The following GNG2 variants were observed in gnomAD, a reference collection of about 807,000 sequenced individuals.
GNG2 encodes guanine nucleotide-binding protein G(I)/G(S)/G(O) subunit gamma-2.
A neutral mutation model predicts 5.5 loss-of-function variants in GNG2; 5 were observed. The ratio of observed to expected loss-of-function variants is 0.91; its 90% confidence interval spans 0.48 to 1.92. GNG2 has a LOEUF of 1.92. Among genes scored for constraint, GNG2 ranks in the 30% most tolerant of loss-of-function variants. The pLI is 0.01. For missense variants in GNG2, 55 were observed against 88.4 expected (o/e 0.62, Z 1.52); for synonymous variants, 28 against 32.0 (o/e 0.88, Z 0.42).
At chr14:51,933,870 A>G (rs1887808109) in intron 2 of GNG2, among the ~76,000 whole-genome samples, 1 of 152,214 alleles carries the variant, frequency 6.6e-6, no homozygotes, top group African/African-American at 2.4e-5. Context: ...GAAAGGAGGT[A>G]TCAGAGGTCT....
chr14:51,941,846 G>A (rs139653357), intron 2 of GNG2, among the ~76,000 whole-genome samples: 131 of 152,242 alleles, frequency 8.6e-4, no homozygotes, highest in African/African-American at 3.0e-3. Context: ...TGGTTGGGTG[G>A]GACGGGGACT....
At chr14:51,924,698 GAC>G (rs754208161) in intron 2 of GNG2, among the ~76,000 whole-genome samples, 100 of 152,310 alleles carry the variant, frequency 6.6e-4, no homozygotes, top group Non-Finnish European at 1.3e-3. Context: ...CATAGACTGA[GAC>G]ACAGTACTAC....
At chr14:51,895,549 C>G (rs1885136953) in intron 2 of GNG2, among the ~76,000 whole-genome samples, 1 of 152,174 alleles carries the variant, frequency 6.6e-6, no homozygotes, top group South Asian at 2.1e-4. Flanking sequence ...AGATAATATT[C>G]CAAGTACTGA....
intron 2 of GNG2, among the ~76,000 whole-genome samples, chr14:51,922,286 C>G (rs1887059149): frequency 6.6e-6 from 1 of 152,106 alleles, no homozygotes; most frequent in Admixed American, 6.5e-5. Flanking sequence ...TCTTGTAAAA[C>G]AGAAAATGTA....
At chr14:51,925,880 C>A (rs1887282632) in intron 2 of GNG2, among the ~76,000 whole-genome samples, 1 of 152,042 alleles carries the variant, frequency 6.6e-6, no homozygotes, top group Non-Finnish European at 1.5e-5. Context: ...CCTCTGCCTC[C>A]CTAAGTGCTA....
At chr14:51,826,608 G>C (rs1881036365) in intron 1 of GNG2, among the ~76,000 whole-genome samples, 1 of 152,160 alleles carries the variant, frequency 6.6e-6, no homozygotes, top group Non-Finnish European at 1.5e-5. Context: ...TGGAGGCATT[G>C]ACCTGAAACA....
chr14:51,895,260 G>A (rs1885121163), intron 2 of GNG2, among the ~76,000 whole-genome samples: 1 of 152,142 alleles, frequency 6.6e-6, no homozygotes, highest in Non-Finnish European at 1.5e-5. Flanking sequence ...AAATAAACAT[G>A]TATAAATAAT....
chr14:51,932,246 CAAAA>C (rs781725794), intron 2 of GNG2, among the ~76,000 whole-genome samples: 1,021 of 22,916 alleles, frequency 0.045, 5 homozygotes, highest in African/African-American at 0.15. Context: ...GACTCTGTCT[CAAAA>C]AAAAAAAAAA....
chr14:51,953,412 T>C (rs541310702), intron 3 of GNG2, among the ~76,000 whole-genome samples: 3 of 152,130 alleles, frequency 2.0e-5, no homozygotes, highest in Non-Finnish European at 2.9e-5. Flanking sequence ...CCAAGAAGCA[T>C]AGTTACCAAA....
intron 2 of GNG2, among the ~76,000 whole-genome samples, chr14:51,901,262 C>T (rs1310563004): frequency 6.6e-6 from 1 of 151,812 alleles, no homozygotes; most frequent in African/African-American, 2.4e-5. Context: ...CATGGTTTAC[C>T]AGAGCCTCAA....
At chr14:51,950,986 C>T (rs1178544709) in intron 3 of GNG2, among the ~76,000 whole-genome samples, 1 of 148,812 alleles carries the variant, frequency 6.7e-6, no homozygotes, top group East Asian at 2.0e-4. Context: ...CAACACAACA[C>T]AAAAAAAAAA....
At chr14:51,918,088 T>C (rs1342967780) in intron 2 of GNG2, among the ~76,000 whole-genome samples, 2 of 147,422 alleles carry the variant, frequency 1.4e-5, no homozygotes, top group Non-Finnish European at 3.0e-5. Flanking sequence ...CCCTCAAAAG[T>C]GAAGACAAAA....
chr14:51,953,610 A>G (rs1889109451), intron 3 of GNG2, among the ~76,000 whole-genome samples: 1 of 152,210 alleles, frequency 6.6e-6, no homozygotes, highest in Non-Finnish European at 1.5e-5. Context: ...TGTTAGAAAT[A>G]CAGCAGCATC....
chr14:51,866,739 G>C (rs935650995), intron 1 of GNG2, among the ~76,000 whole-genome samples: 1 of 152,128 alleles, frequency 6.6e-6, no homozygotes, highest in Admixed American at 6.5e-5. Flanking sequence ...CCCATTCATG[G>C]GACTCCATAC....
At chr14:51,835,771 A>G (rs1163169556) in intron 2 of GNG2, among the ~76,000 whole-genome samples, 2 of 152,350 alleles carry the variant, frequency 1.3e-5, no homozygotes, top group East Asian at 3.9e-4. Context: ...TTAACAAAGT[A>G]GAAAACTTTA....
intron 3 of GNG2, among the ~76,000 whole-genome samples, chr14:51,954,401 T>C (rs1889161550): frequency 6.6e-6 from 1 of 152,118 alleles, no homozygotes; most frequent in African/African-American, 2.4e-5. Context: ...ACACTAACAC[T>C]GACCAAAGAC....
chr14:51,883,447 G>A (rs1258701342), intron 2 of GNG2, among the ~76,000 whole-genome samples: 3 of 152,216 alleles, frequency 2.0e-5, no homozygotes, highest in African/African-American at 4.8e-5. Flanking sequence ...ACCCGCAGCT[G>A]TAAAATGGTA....
intron 2 of GNG2, among the ~76,000 whole-genome samples, chr14:51,901,963 TAAAAAAAAAAAAAAA>T (rs34308582): frequency 1.8e-5 from 1 of 56,428 alleles, no homozygotes; most frequent in Admixed American, 2.4e-4. Context: ...TAACAATCTG[TAAAAAAAAAAAAAAA>T]AAAAAAAAAA....
chr14:51,948,331 G>A (rs531618962), intron 2 of GNG2, among the ~76,000 whole-genome samples: 1 of 152,328 alleles, frequency 6.6e-6, no homozygotes, highest in South Asian at 2.1e-4. Flanking sequence ...AGGTCACCCT[G>A]TAATCTGGTG....
Sources: gnomAD v4.1 joint callset for allele counts (sites outside exome capture counted in the v4.1 genomes callset) on GRCh38, gnomAD v4.1.1 for gene constraint, MANE v1.5 for transcripts, NCBI Gene and HGNC (gene_info 2026-07-23, HGNC 2026-07-21) for gene names.